Variants in RTTN observed in about 807,000 individuals in gnomAD.
RTTN encodes the protein rotatin.
A neutral mutation model predicts 269.2 loss-of-function variants in RTTN; 182 were observed. The observed-to-expected ratio is 0.68, with a 90% CI of 0.60 to 0.76. The LOEUF (loss-of-function observed/expected upper bound fraction) is 0.76. Ranked by LOEUF, RTTN falls within the 30% of genes least tolerant of loss-of-function variation. The pLI is 0.00. For synonymous variants in RTTN, 1,006 were observed against 963.5 expected (o/e 1.04, Z -0.82); for missense variants, 2,545 against 2,608.6 (o/e 0.98, Z 0.53).
At chr18:70,135,349 A>G (rs762645385) in intron 21 of RTTN, 69 bp from the exon 22 acceptor site, 32 of 925,096 alleles carry the variant, frequency 3.5e-5, no homozygotes, top group Non-Finnish European at 5.3e-5. Flanking sequence ...CAAATTTAAA[A>G]TATCTTGATT....
At chr18:70,203,785 C>G (rs2062011926) in intron 3 of RTTN, among the ~76,000 whole-genome samples, 1 of 152,128 alleles carries the variant, frequency 6.6e-6, no homozygotes, top group African/African-American at 2.4e-5. Context: ...GAACAATGAG[C>G]ACTCATGTGC....
intron 18 of RTTN, among the ~76,000 whole-genome samples, chr18:70,143,254 T>C (rs926754523): frequency 1.3e-5 from 2 of 152,154 alleles, no homozygotes; most frequent in East Asian, 1.9e-4. Context: ...AGATGTTGGA[T>C]ACTCAAATAC....
chr18:70,168,595 A>C (rs1276334149), intron 12 of RTTN, among the ~76,000 whole-genome samples: 1 of 152,206 alleles, frequency 6.6e-6, no homozygotes, highest in Non-Finnish European at 1.5e-5. Flanking sequence ...ATATTAAGAC[A>C]TTTGTAATAA....
chr18:70,103,468 T>C lies in RTTN; in HGVS notation c.3903+6030A>G, dbSNP rs2059232706. 2.0e-5 allele frequency among the ~76,000 whole-genome samples: 3 copies of C among 152,262 alleles called. No individual in the cohort carries two copies. The South Asian group carries it at 6.2e-4, about 32-fold the overall frequency. Reference sequence around the variant, plus strand: ...ATCTATAACCTTACCCCCAACCACGTGCTCTCTGAAACATGTGCTGTGTCA... The same window carrying C: ...ATCTATAACCTTACCCCCAACCACGCGCTCTCTGAAACATGTGCTGTGTCA... On this transcript the variant is annotated intron_variant, in intron 28 of 48. Coordinates refer to ENST00000640769, the MANE Select transcript of RTTN (RefSeq NM_173630.4).
At chr18:70,133,272 G>A (rs1416777293) in intron 23 of RTTN, among the ~76,000 whole-genome samples, 3 of 152,236 alleles carry the variant, frequency 2.0e-5, no homozygotes, top group African/African-American at 7.2e-5. Flanking sequence ...ATTAAGACTG[G>A]TAATGCAAAT....
chr18:70,180,595 A>C (rs1568525133), intron 10 of RTTN, among the ~76,000 whole-genome samples: 1 of 150,596 alleles, frequency 6.6e-6, no homozygotes, highest in Non-Finnish European at 1.5e-5. Context: ...GGAAGAGAAA[A>C]AAAAAAAAAA....
intron 30 of RTTN, among the ~76,000 whole-genome samples, chr18:70,091,891 T>TA (rs2058856918): frequency 6.6e-6 from 1 of 152,010 alleles, no homozygotes. Flanking sequence ...TAGCTGGGAC[T>TA]ACAGGTGCCT....
chr18:70,183,173 G>A (rs2061457829), intron 10 of RTTN, among the ~76,000 whole-genome samples: 1 of 152,198 alleles, frequency 6.6e-6, no homozygotes. Context: ...TACTATACCT[G>A]AAAACAATTA....
chr18:70,075,219 G>A (rs1045686512), intron 33 of RTTN, 133 bp downstream of exon 33: 3 of 595,980 alleles, frequency 5.0e-6, no homozygotes, highest in Non-Finnish European at 8.4e-6. Flanking sequence ...ATCTCTCTGG[G>A]TGGTAGAACT....
chr18:70,056,679 A>G (rs1417046736), intron 37 of RTTN, among the ~76,000 whole-genome samples: 3 of 152,140 alleles, frequency 2.0e-5, no homozygotes, highest in Non-Finnish European at 2.9e-5. Flanking sequence ...GGATAGGCCA[A>G]GCATACCCCA....
chr18:70,024,739 G>C lies in RTTN; in HGVS notation c.5933C>G (p.Thr1978Ser). Residue 1978 changes from threonine to serine, a missense_variant, in exon 44 of 49, where the codon ACT becomes AGT. Thr to Ser is a moderately conservative substitution (Grantham distance 58). Coordinates refer to ENST00000640769, the MANE Select transcript of RTTN (RefSeq NM_173630.4). ...QISLQLLCVY[T>S]ANFPNGCSSL... is the part of the protein sequence containing the mutation. ...CCTATTACCATTTGGAAAATTTGCA[G>C]TATAGACACAAAGGAGCTGCAGAGA... 2 of 1,613,608 alleles carry C rather than the reference G, an allele frequency of 1.2e-6. No homozygotes were observed. The highest frequency in any genetic ancestry group is 1.7e-6 in the Non-Finnish European group (2 of 1,179,628).
intron 12 of RTTN, 41 bp downstream of exon 12, chr18:70,168,814 T>C: frequency 2.1e-6 from 3 of 1,426,554 alleles, no homozygotes; most frequent in Middle Eastern, 2.4e-4. Flanking sequence ...TTTCAAAATA[T>C]GTCAAAGGGA....
intron 10 of RTTN, among the ~76,000 whole-genome samples, chr18:70,187,870 A>G (rs1404520751): frequency 6.6e-6 from 1 of 152,230 alleles, no homozygotes; most frequent in African/African-American, 2.4e-5. Flanking sequence ...ATATCACAGT[A>G]GCTATAACCA....
chr18:70,011,731 C>G (rs750718013), intron 46 of RTTN, among the ~76,000 whole-genome samples: 11 of 150,594 alleles, frequency 7.3e-5, no homozygotes, highest in Admixed American at 2.7e-4. Context: ...ATTGGAACTT[C>G]TGGCCAGGGC....
intron 40 of RTTN, among the ~76,000 whole-genome samples, chr18:70,043,497 T>C (rs2057403756): frequency 6.6e-6 from 1 of 151,770 alleles, no homozygotes; most frequent in African/African-American, 2.4e-5. Flanking sequence ...ACAGATAATA[T>C]TTAAAACTGA....
intron 12 of RTTN, 72 bp downstream of exon 12, chr18:70,168,783 T>C: frequency 8.6e-7 from 1 of 1,161,910 alleles, no homozygotes; most frequent in Non-Finnish European, 1.2e-6. Flanking sequence ...TGTCCATCAA[T>C]TTGAAAAGTA....
chr18:70,104,046 T>C (rs1599564409), intron 28 of RTTN, among the ~76,000 whole-genome samples: 2 of 152,218 alleles, frequency 1.3e-5, no homozygotes, highest in Non-Finnish European at 2.9e-5. Context: ...CCTTGCTAGG[T>C]TGGGGAAGTT....
intron 39 of RTTN, 120 bp from the exon 40 acceptor site, chr18:70,048,308 T>C: frequency 2.1e-6 from 2 of 957,490 alleles, no homozygotes; most frequent in Non-Finnish European, 3.1e-6. Flanking sequence ...ACTTGTGTGA[T>C]TGTGTTGCAA....
rs950056368 is a variant in RTTN at position 70,198,438 on chromosome 18, T to C, written c.579-700A>G. ...CCATGTGCACTTTGCCTCTCGAATATGTTGTTCCAAGAGAATTCATGTCAT... is the reference window on the plus strand; with the variant it reads ...CCATGTGCACTTTGCCTCTCGAATACGTTGTTCCAAGAGAATTCATGTCAT... On this transcript the variant is annotated intron_variant, in intron 5 of 48. Coordinates refer to ENST00000640769, the MANE Select transcript of RTTN (RefSeq NM_173630.4). Among the ~76,000 whole-genome samples the C allele has an allele frequency of 4.6e-5, 7 of 152,196 alleles. No homozygotes were observed. The South Asian group carries it at 1.5e-3, about 32-fold the overall frequency.
Sources: gnomAD v4.1 joint callset for allele counts (sites outside exome capture counted in the v4.1 genomes callset) on GRCh38, gnomAD v4.1.1 for gene constraint, MANE v1.5 for transcripts, NCBI Gene and HGNC (gene_info 2026-07-23, HGNC 2026-07-21) for gene names.